The following BDH2 variants were observed in gnomAD, a reference collection of about 807,000 sequenced individuals.
BDH2 encodes 3-hydroxybutyrate dehydrogenase 2.
In BDH2, 24 loss-of-function variants were observed where a neutral mutation model predicts 33.2. That is an observed-to-expected ratio of 0.72 (90% CI 0.52 to 1.02). BDH2 has a LOEUF of 1.02. Ranked by LOEUF, BDH2 falls within the 50% of genes least tolerant of loss-of-function variation. The probability of loss-of-function intolerance (pLI) is 0.00; values close to 1 mark genes in which losing one functional copy is unlikely to be tolerated. For synonymous variants in BDH2, 81 were observed against 101.6 expected (o/e 0.80, Z 1.22); for missense variants, 249 against 301.6 (o/e 0.83, Z 1.29).
chr4:103,082,733 T>G, intron 8 of BDH2, 138 bp downstream of exon 8: 1 of 740,792 alleles, frequency 1.3e-6, no homozygotes. Flanking sequence ...TCATTAAGCA[T>G]TAACTACTCT....
chr4:103,082,007 A>T, intron 9 of BDH2, 74 bp downstream of exon 9: 1 of 1,191,046 alleles, frequency 8.4e-7, no homozygotes, highest in Admixed American at 1.8e-5. Context: ...CTCTAAAATG[A>T]TATTATTTTG....
At chr4:103,092,499 T>C (rs1748154932) in intron 4 of BDH2, 101 bp downstream of exon 4, 1 of 765,606 alleles carries the variant, frequency 1.3e-6, no homozygotes, top group Non-Finnish European at 2.2e-6. Context: ...GAATATGTCA[T>C]GGTTCACAAT....
intron 3 of BDH2, among the ~76,000 whole-genome samples, chr4:103,094,231 T>A (rs1209461612): frequency 6.6e-5 from 10 of 152,210 alleles, no homozygotes; most frequent in African/African-American, 2.4e-4. Flanking sequence ...ATGCAGCTAG[T>A]CTGAAATGAA....
At chr4:103,089,083 A>G (rs1747944980) in intron 5 of BDH2, among the ~76,000 whole-genome samples, 1 of 152,146 alleles carries the variant, frequency 6.6e-6, no homozygotes, top group Non-Finnish European at 1.5e-5. Flanking sequence ...CTGTGTATCT[A>G]TCCATGAATA....
intron 5 of BDH2, 30 bp from the exon 6 acceptor site, chr4:103,086,570 A>G: frequency 6.4e-7 from 1 of 1,573,238 alleles, no homozygotes; most frequent in South Asian, 1.2e-5. Flanking sequence ...ACAAAAAAAA[A>G]AAAATCCACT....
chr4:103,086,325 G>A (rs1747779168), intron 6 of BDH2, 155 bp downstream of exon 6: 3 of 1,336,004 alleles, frequency 2.2e-6, no homozygotes, highest in East Asian at 2.7e-5. Context: ...CAAAAGATCT[G>A]TGGTTAAGGA....
chr4:103,095,134 A>T, intron 3 of BDH2, 69 bp downstream of exon 3: 1 of 1,261,664 alleles, frequency 7.9e-7, no homozygotes, highest in Non-Finnish European at 1.1e-6. Context: ...TTCTTTCAAC[A>T]TGTGAGCGCC....
intron 1 of BDH2, among the ~76,000 whole-genome samples, chr4:103,097,351 C>T (rs151103879): frequency 3.3e-4 from 50 of 152,270 alleles, no homozygotes; most frequent in Non-Finnish European, 4.4e-4. Flanking sequence ...ACACTGACAC[C>T]GGGGCTCATG....
chr4:103,083,301 G>T (rs1005661566), intron 7 of BDH2, among the ~76,000 whole-genome samples: 1 of 152,100 alleles, frequency 6.6e-6, no homozygotes, highest in African/African-American at 2.4e-5. Context: ...AGATAAAATC[G>T]TACAAGCACT....
chr4:103,098,833 C>A (rs1387373014), intron 1 of BDH2: 1 of 152,152 alleles, frequency 6.6e-6, no homozygotes, highest in African/African-American at 2.4e-5. Flanking sequence ...TTAATTCTAT[C>A]TTGGAGTCTG....
In BDH2 at chr4:103,092,381, T is replaced by C. The variant is rs1184726887; in HGVS notation, c.248+219A>G. 26 of 561,440 alleles carry C rather than the reference T, an allele frequency of 4.6e-5. No homozygotes were observed. The East Asian group carries it at 7.7e-4, about 17-fold the overall frequency. The allele number at this position is 561,440 out of a possible 1,614,324, so 34.8% of individuals were successfully genotyped here. On this transcript the variant is annotated intron_variant, in intron 4 of 9. Coordinates refer to ENST00000296424, the MANE Select transcript of BDH2 (RefSeq NM_020139.4). The stretch of plus-strand genomic sequence containing the variant: ...AGCTTTGTATCAGTACCATCTGTCT[T>C]GAGTAGACCTCATTTGCCCCAGATC...
At chr4:103,098,873 T>C (rs926496893) in intron 1 of BDH2, 13 of 152,200 alleles carry the variant, frequency 8.5e-5, no homozygotes, top group African/African-American at 3.1e-4. Flanking sequence ...AACACAATTA[T>C]GTAAGAACTG....
Position 103,082,861 on chromosome 4 carries a change from C to T in BDH2, c.591+10G>A. On this transcript the variant is annotated intron_variant, in intron 8 of 9. Transcript: ENST00000296424. ...AAAAGGTTTAAATACATTTTAAATG[C>T]TAGATGTACCTCTTCAGGATTTCCT... 6.2e-7 allele frequency: 1 copy of T among 1,600,298 alleles called. No individual in the cohort carries two copies. The highest frequency in any genetic ancestry group is 8.6e-7 in the Non-Finnish European group (1 of 1,167,488).
chr4:103,092,050 T>C (rs1748129312), intron 4 of BDH2, among the ~76,000 whole-genome samples: 1 of 152,208 alleles, frequency 6.6e-6, no homozygotes, highest in African/African-American at 2.4e-5. Flanking sequence ...CTGGAACCCT[T>C]ACTGATTTGG....
At chr4:103,091,907 T>C (rs553450518) in intron 4 of BDH2, among the ~76,000 whole-genome samples, 1 of 152,368 alleles carries the variant, frequency 6.6e-6, no homozygotes, top group Non-Finnish European at 1.5e-5. Flanking sequence ...AGCAAAGTGA[T>C]ACTGCTAGTG....
rs1747383885 is a variant in BDH2 at position 103,079,008 on chromosome 4, A to G, written c.*694T>C. Among the ~76,000 whole-genome samples, 1 of 151,878 alleles carries G rather than the reference A, an allele frequency of 6.6e-6. No individual in the cohort carries two copies. The highest frequency in any genetic ancestry group is 2.4e-5 in the African/African-American group (1 of 41,314). The stretch of plus-strand genomic sequence containing the variant: ...ATTACTATCTTCTTCCTTAACCCCC[A>G]TCTCCCCCACAAAAAAACAAAAACT... On this transcript the variant is annotated 3_prime_UTR_variant, in exon 10 of 10. Transcript: ENST00000296424.
rs1285777126 is a variant in BDH2 at position 103,092,482 on chromosome 4, TC to T, written c.248+117del. Reference sequence around the variant, plus strand: ...ATGCTGTGTAAAATCTAGCCATATTTCCCAAGGAATATGTCATGGTTCACAA... The same window carrying T: ...ATGCTGTGTAAAATCTAGCCATATTTCCAAGGAATATGTCATGGTTCACAA... On this transcript the variant is annotated intron_variant, in intron 4 of 9. Coordinates refer to ENST00000296424, the MANE Select transcript of BDH2 (RefSeq NM_020139.4). The T allele has an allele frequency of 3.3e-5, 23 of 696,758 alleles. No homozygotes were observed. In the African/African-American group the frequency reaches 3.6e-4, roughly 11 times the overall value. 43.2% of individuals were successfully genotyped at this position (696,758 alleles called of 1,614,324 possible). A position where few individuals can be genotyped will look rare whatever the true frequency, so the allele number is the denominator to read the frequency against.
At chr4:103,091,924 C>T (rs945892194) in intron 4 of BDH2, among the ~76,000 whole-genome samples, 2 of 152,148 alleles carry the variant, frequency 1.3e-5, no homozygotes, top group African/African-American at 2.4e-5. Context: ...AGTGTTCTAA[C>T]ATACTGAGAG....
At position 103,079,123 on chromosome 4, in the gene BDH2, G is replaced by A. The variant is rs1461382796; in HGVS notation, c.*579C>T. ...GAGTCATGTGTTGACATCCTAACCT[G>A]CAATATGATACATTAGGAGGTGGGG... On this transcript the variant is annotated 3_prime_UTR_variant, in exon 10 of 10. Transcript: ENST00000296424. Among the ~76,000 whole-genome samples, 1 of 152,162 alleles carries A rather than the reference G, an allele frequency of 6.6e-6. No homozygotes were observed. The highest frequency in any genetic ancestry group is 1.5e-5 in the Non-Finnish European group (1 of 68,042).
Sources: allele counts gnomAD v4.1 joint callset (sites outside exome capture counted in the v4.1 genomes callset), GRCh38; gene constraint gnomAD v4.1.1; transcripts MANE v1.5; gene names NCBI Gene and HGNC (gene_info 2026-07-23, HGNC 2026-07-21).